Variants in KDM5C observed in about 807,000 individuals in gnomAD.
KDM5C encodes the protein lysine-specific demethylase 5C.
In KDM5C, 16 loss-of-function variants were observed where a neutral mutation model predicts 110.6. The ratio of observed to expected loss-of-function variants is 0.14; its 90% CI spans 0.10 to 0.22. The LOEUF (loss-of-function observed/expected upper bound fraction) is 0.22. Among genes scored for constraint, KDM5C ranks in the 10% least tolerant of loss-of-function variants. KDM5C has a pLI of 1.00. For synonymous variants in KDM5C, 511 were observed against 520.4 expected, an observed-to-expected ratio of 0.98 and a Z score of 0.24; for missense variants, 681 against 1,300.9, an observed-to-expected ratio of 0.52 and a Z score of 7.33.
chrX:53,193,725 T>C, intron 24 of KDM5C, 48 bp downstream of exon 24: 1 of 1,180,062 alleles, frequency 8.5e-7, no homozygotes, highest in Non-Finnish European at 1.2e-6. Flanking sequence ...CATGGGTCAC[T>C]ATGGTGATGT....
intron 12 of KDM5C, chrX:53,202,223 T>A: frequency 2.9e-6 from 1 of 349,002 alleles, no homozygotes; most frequent in East Asian, 5.4e-5. Flanking sequence ...ACTTCCTTAG[T>A]AATTTTTGCA....
In KDM5C at chrX:53,214,680, A is replaced by T. The variant is rs2146933843; in HGVS notation, c.1122+9T>A. On this transcript the variant is annotated intron_variant, in intron 8 of 25. Transcript: ENST00000375401. ...CCTATGAGGCAGATGTGGAGTGGGG[A>T]GGCCTTACCGCCATGACACACTTTG... The T allele has an allele frequency of 8.3e-7, 1 of 1,204,245 alleles. No homozygotes were observed. The highest frequency in any genetic ancestry group is 1.1e-6 in the Non-Finnish European group (1 of 891,406).
At chrX:53,219,655 C>T (rs2073845550) in intron 2 of KDM5C, among the ~76,000 whole-genome samples, 1 of 112,631 alleles carries the variant, frequency 8.9e-6, no homozygotes, top group African/African-American at 3.2e-5. Context: ...ACAAAGACAG[C>T]TCTTTCCATT....
At chrX:53,218,531 G>A (rs781869491) in intron 2 of KDM5C, 133 bp from the exon 3 acceptor site, 56 of 772,515 alleles carry the variant, frequency 7.2e-5, no homozygotes, top group East Asian at 6.6e-4. Flanking sequence ...CCAATGAACC[G>A]GATCCCAGAC....
At chrX:53,221,902 G>A (rs1036813119) in intron 1 of KDM5C, 1 of 329,017 alleles carries the variant, frequency 3.0e-6, no homozygotes, top group Non-Finnish European at 5.5e-6. Context: ...CCTGCCCAAA[G>A]GTCAGCTGTG....
intron 12 of KDM5C, among the ~76,000 whole-genome samples, chrX:53,207,178 CAAAAAAA>C (rs56948247): frequency 2.5e-5 from 1 of 40,301 alleles, no homozygotes; most frequent in African/African-American, 1.0e-4. Context: ...ACTCCTTCTC[CAAAAAAA>C]AAAAAAAAAA....
At chrX:53,219,707 A>C (rs999505748) in intron 2 of KDM5C, among the ~76,000 whole-genome samples, 3 of 112,329 alleles carry the variant, frequency 2.7e-5, no homozygotes, top group Non-Finnish European at 3.8e-5. Context: ...AGAAAGAAAC[A>C]ACCTACAGTT....
chrX:53,224,324 G>A (rs1404849183), intron 1 of KDM5C, among the ~76,000 whole-genome samples: 1 of 111,931 alleles, frequency 8.9e-6, no homozygotes, highest in Admixed American at 9.4e-5. Context: ...TCTCCCTTCA[G>A]GACTGCGATC....
downstream of KDM5C, among the ~76,000 whole-genome samples, chrX:53,187,488 C>T (rs1556828474): frequency 8.9e-6 from 1 of 111,937 alleles, no homozygotes. Context: ...TAGTTATAGA[C>T]CAGTAACTCC....
chrX:53,196,800 G>A lies in KDM5C; in HGVS notation c.2867C>T (p.Ala956Val), dbSNP rs782171830. 6.6e-6 allele frequency: 8 copies of A among 1,211,846 alleles called. No individual in the cohort carries two copies. In the South Asian group the frequency reaches 8.8e-5, roughly 13 times the overall value. Residue 956 changes from alanine (A) to valine (V), a missense_variant, in exon 19 of 26, where the codon GCG becomes GTG. By Grantham distance (64) the Ala-to-Val change is moderately conservative. Transcript: ENST00000375401. Reference protein sequence around the residue: ...TLAVMRGLLVAGASVAPSPAV... With the variant: ...TLAVMRGLLVVGASVAPSPAV... ...AGGGCTAGGGGCTACACTGGCACCC[G>A]CGACCAACAGTCCTCGCATGACAGC... is the stretch of plus-strand genomic sequence containing the variant.
downstream of KDM5C, among the ~76,000 whole-genome samples, chrX:53,191,021 G>A (rs782414936): frequency 9.0e-6 from 1 of 111,439 alleles, no homozygotes; most frequent in South Asian, 3.8e-4. Flanking sequence ...TTGTATCCTC[G>A]TATCATGGGC....
chrX:53,217,913 A>G lies in KDM5C; in HGVS notation c.405T>C (p.Ala135=), dbSNP rs1484640196. The change falls in exon 4 of 26, where the codon GCT becomes GCC. Residue 135 remains alanine (A), a synonymous_variant. Transcript: ENST00000375401. ...GATAGTTGAGGCGCTGGGCTACCCGAGCCCACCGACGGTCCTTGCAGATAG... is the reference window on the plus strand; with the variant it reads ...GATAGTTGAGGCGCTGGGCTACCCGGGCCCACCGACGGTCCTTGCAGATAG... ...YEAICKDRRW[A]RVAQRLNYPP... 8.3e-7 allele frequency: 1 copy of G among 1,209,526 alleles called. No individual in the cohort carries two copies. The highest frequency in any genetic ancestry group is 1.8e-5 in the African/African-American group (1 of 57,030).
chrX:53,208,499 CTTTTTTTTTTT>C (rs67574134), intron 12 of KDM5C, among the ~76,000 whole-genome samples: 4 of 48,298 alleles, frequency 8.3e-5, no homozygotes, highest in East Asian at 8.1e-4. Flanking sequence ...TCAGAGAATC[CTTTTTTTTTTT>C]TTTTTTTTTT....
At position 53,192,839 on chromosome X, in the gene KDM5C, T is replaced by TGGGGGGGGGGGGG; in HGVS notation, c.*127_*128insCCCCCCCCCCCCC. On this transcript the variant is annotated 3_prime_UTR_variant, in exon 26 of 26. Transcript: ENST00000375401. Reference sequence around the variant, plus strand: ...ATACAAAAGTCAAGGGACTCAGGGGTGGGCGGGTAGCAGGGATGGCCACCC... The same window carrying TGGGGGGGGGGGGG: ...ATACAAAAGTCAAGGGACTCAGGGGTGGGGGGGGGGGGGGGGCGGGTAGCAGGGATGGCCACCC... The TGGGGGGGGGGGGG allele has an allele frequency of 1.1e-6, 1 of 879,058 alleles. No homozygotes were observed. The highest frequency in any genetic ancestry group is 1.5e-6 in the Non-Finnish European group (1 of 646,896). 72.4% of individuals were successfully genotyped at this position (879,058 alleles called of 1,213,427 possible).
At position 53,201,307 on chromosome X, in the gene KDM5C, A is replaced by G. The variant is rs2073131960; in HGVS notation, c.2061+243T>C. On this transcript the variant is annotated intron_variant, in intron 14 of 25. Coordinates refer to ENST00000375401, the MANE Select transcript of KDM5C (RefSeq NM_004187.5). ...GCAAACATTATCTTTAATACAATCA[A>G]CTATCCAAAAAGATAAGCATTATCA... The G allele has an allele frequency of 8.4e-5, 35 of 419,005 alleles. No individual in the cohort carries two copies. In the South Asian group the frequency reaches 1.2e-3, roughly 14 times the overall value. The allele number at this position is 419,005 out of a possible 1,213,427, so 34.5% of individuals were successfully genotyped here.
downstream of KDM5C, chrX:53,191,814 T>C (rs782216753): frequency 1.7e-5 from 3 of 174,630 alleles, no homozygotes; most frequent in African/African-American, 2.9e-5. Flanking sequence ...GTGAATTTTA[T>C]AGTATGTAAA....
In KDM5C at chrX:53,201,391, G is replaced by A. The variant is rs2073134678; in HGVS notation, c.2061+159C>T. 5.7e-6 allele frequency: 3 copies of A among 524,766 alleles called. No homozygotes were observed. In the Admixed American group the frequency reaches 8.5e-5, roughly 15 times the overall value. 43.2% of individuals were successfully genotyped at this position (524,766 alleles called of 1,213,427 possible). On this transcript the variant is annotated intron_variant, in intron 14 of 25. Coordinates refer to ENST00000375401, the MANE Select transcript of KDM5C (RefSeq NM_004187.5). ...GAAGTAAATCGACTTAAGGTTGCTG[G>A]TAAAGGGTATAGCAGAGAATGGTAT...
chrX:53,218,328 AAGG>A lies in KDM5C; in HGVS notation c.296_298del (p.Ser99del), dbSNP rs782344062. On this transcript the variant is annotated inframe_deletion, in exon 3 of 26. Coordinates refer to ENST00000375401, the MANE Select transcript of KDM5C (RefSeq NM_004187.5). ...CCGCCGTTCTACATTGGGAATCTTT[AAGG>A]AGGAGCCCTGGATTTCCCAGAATTT... 1 of 1,210,035 alleles carries A rather than the reference AAGG, an allele frequency of 8.3e-7. No individual in the cohort carries two copies. Among genetic ancestry groups the A allele is most frequent in the Admixed American group, 2.2e-5 (1 of 46,035 alleles).
Position 53,196,066 on chromosome X carries a change from GA to G in KDM5C, c.2982-13del, listed in dbSNP as rs782560436. On this transcript the variant is annotated splice_polypyrimidine_tract_variant and intron_variant, in intron 19 of 25. Transcript: ENST00000375401. ...GTGGATGCTTCTGCCTAAAGGTAAG[GA>G]AAAAAAGAACGCTCAGTCTGATGTG... 21 of 1,209,786 alleles carry G rather than the reference GA, an allele frequency of 1.7e-5. No homozygotes were observed. The highest frequency in any genetic ancestry group is 2.3e-5 in the Non-Finnish European group (21 of 894,651).
Sources: allele counts gnomAD v4.1 joint callset (sites outside exome capture counted in the v4.1 genomes callset), GRCh38; gene constraint gnomAD v4.1.1; transcripts MANE v1.5; gene names NCBI Gene and HGNC (gene_info 2026-07-23, HGNC 2026-07-21).